FCAR: variants seen among roughly 807,000 people sequenced by gnomAD.
FCAR encodes the protein immunoglobulin alpha Fc receptor.
In FCAR, 21 loss-of-function variants were observed where a neutral mutation model predicts 27.1. The ratio of observed to expected loss-of-function variants is 0.77; its 90% CI spans 0.55 to 1.11. The LOEUF is 1.11. Ranked by LOEUF, FCAR falls within the 50% of genes most tolerant of loss-of-function variation. The probability of loss-of-function intolerance (pLI) is 0.00; values close to 1 mark genes in which losing one functional copy is unlikely to be tolerated. For synonymous variants in FCAR, 134 were observed against 135.8 expected (o/e 0.99, Z 0.09); for missense variants, 404 against 358.4 (o/e 1.13, Z -1.03).
In FCAR at chr19:54,885,538, C is replaced by T; in HGVS notation, c.361+13C>T. ...CTGGTAGTGACAGGTAAGGAAACATCCAGGGTCCACAGCCCTGGTGTGATT... is the reference window on the plus strand; with the variant it reads ...CTGGTAGTGACAGGTAAGGAAACATTCAGGGTCCACAGCCCTGGTGTGATT... On this transcript the variant is annotated intron_variant, in intron 3 of 4. Transcript: ENST00000355524. The T allele has an allele frequency of 6.3e-7, 1 of 1,588,716 alleles. No individual in the cohort carries two copies. The highest frequency in any genetic ancestry group is 2.2e-5 in the East Asian group (1 of 44,634).
chr19:54,887,974 GTCTT>G lies in FCAR; in HGVS notation c.362-29_362-26del, dbSNP rs764804225. On this transcript the variant is annotated intron_variant, in intron 3 of 4. Coordinates refer to ENST00000355524, the MANE Select transcript of FCAR (RefSeq NM_002000.4). The stretch of plus-strand genomic sequence containing the variant: ...AGAAGAAAAGAATAAAGGAGAAAAG[GTCTT>G]TCTAATAGCTCACTCTTTTCTCTCT... 7.9e-6 allele frequency: 12 copies of G among 1,526,474 alleles called. No individual in the cohort carries two copies. The Admixed American group carries it at 1.5e-4, about 19-fold the overall frequency. 94.6% of individuals were successfully genotyped at this position (1,526,474 alleles called of 1,614,324 possible).
chr19:54,883,202 A>G (rs2066520236), intron 2 of FCAR, among the ~76,000 whole-genome samples: 1 of 147,748 alleles, frequency 6.8e-6, no homozygotes, highest in African/African-American at 2.5e-5. Context: ...TTTTTTGTAG[A>G]GATGGGGTTT....
rs2066639224 is a variant in FCAR at position 54,885,251 on chromosome 19, T to C, written c.87T>C (p.Pro29=). The C allele has an allele frequency of 1.2e-6, 2 of 1,613,314 alleles. No individual in the cohort carries two copies. Among genetic ancestry groups the C allele is most frequent in the South Asian group, 2.2e-5 (2 of 91,064 alleles). Residue 29 remains proline (P), a synonymous_variant, in exon 3 of 5, where the codon CCT becomes CCC. Coordinates refer to ENST00000355524, the MANE Select transcript of FCAR (RefSeq NM_002000.4). ...TTCTTCCAGGGGACTTTCCCATGCC[T>C]TTCATATCTGCCAAATCGAGTCCTG... is the stretch of plus-strand genomic sequence containing the variant. ...IQAQEGDFPM[P]FISAKSSPVI...
At chr19:54,881,455 C>G (rs1238022804) in intron 2 of FCAR, among the ~76,000 whole-genome samples, 1 of 152,054 alleles carries the variant, frequency 6.6e-6, no homozygotes, top group Non-Finnish European at 1.5e-5. Context: ...GGGAACGCTC[C>G]GCCAGAGGGT....
chr19:54,881,456 G>A (rs587738110), intron 2 of FCAR, among the ~76,000 whole-genome samples: 3 of 152,122 alleles, frequency 2.0e-5, no homozygotes, highest in Non-Finnish European at 4.4e-5. Flanking sequence ...GGAACGCTCC[G>A]CCAGAGGGTG....
intron 2 of FCAR, among the ~76,000 whole-genome samples, chr19:54,881,913 AAATAAATAAATAAATAAATT>A (rs1183952461): frequency 0.027 from 675 of 24,578 alleles, 6 homozygotes; most frequent in Non-Finnish European, 0.036. Flanking sequence ...ATAAATAAAT[AAATAAATAAATAAATAAATT>A]GAAGCATGAA....
At chr19:54,878,969 C>T (rs1477289779) in intron 2 of FCAR, among the ~76,000 whole-genome samples, 1 of 150,082 alleles carries the variant, frequency 6.7e-6, no homozygotes, top group Non-Finnish European at 1.5e-5. Context: ...ACTTCTGCCT[C>T]CCAGGTTCAA....
intron 2 of FCAR, among the ~76,000 whole-genome samples, chr19:54,876,955 C>T (rs1271452864): frequency 6.6e-6 from 1 of 152,084 alleles, no homozygotes; most frequent in Non-Finnish European, 1.5e-5. Flanking sequence ...TAAAGCCTAC[C>T]TGATGGTGGT....
intron 2 of FCAR, 53 bp downstream of exon 2, chr19:54,875,418 A>G: frequency 6.7e-7 from 1 of 1,485,610 alleles, no homozygotes; most frequent in Non-Finnish European, 9.3e-7. Flanking sequence ...TGGGAGCTCT[A>G]GGATAAAGAA....
intron 2 of FCAR, among the ~76,000 whole-genome samples, chr19:54,877,460 A>C (rs2066159802): frequency 6.6e-6 from 1 of 151,926 alleles, no homozygotes; most frequent in South Asian, 2.1e-4. Context: ...GTTGTTTCTA[A>C]TTGTGTTTAT....
intron 2 of FCAR, among the ~76,000 whole-genome samples, chr19:54,878,471 C>G (rs1455178156): frequency 6.6e-6 from 1 of 152,282 alleles, no homozygotes; most frequent in African/African-American, 2.4e-5. Flanking sequence ...TCTCTCAGAA[C>G]ACGCTTTATG....
intron 4 of FCAR, chr19:54,888,586 C>G: frequency 9.1e-7 from 1 of 1,104,162 alleles, no homozygotes; most frequent in Non-Finnish European, 1.1e-6. Context: ...CTTGCTCTTT[C>G]GCCAAGGCTG....
At chr19:54,886,603 G>C (rs1389899202) in intron 3 of FCAR, among the ~76,000 whole-genome samples, 1 of 152,004 alleles carries the variant, frequency 6.6e-6, no homozygotes, top group African/African-American at 2.4e-5. Context: ...ACCACGCCCG[G>C]CCCCCGAAAA....
intron 2 of FCAR, among the ~76,000 whole-genome samples, chr19:54,876,278 G>A (rs1191369536): frequency 6.6e-6 from 1 of 152,192 alleles, no homozygotes; most frequent in African/African-American, 2.4e-5. Flanking sequence ...CCTGCAAACA[G>A]GGATAGTTTG....
At chr19:54,881,728 C>G (rs1398063349) in intron 2 of FCAR, among the ~76,000 whole-genome samples, 1 of 151,954 alleles carries the variant, frequency 6.6e-6, no homozygotes, top group Non-Finnish European at 1.5e-5. Context: ...AAAAATGAGC[C>G]GGGCGTGGTG....
At position 54,890,402 on chromosome 19, in the gene FCAR, T is replaced by C. The variant is rs1216456607; in HGVS notation, c.*539T>C. 6.6e-6 allele frequency: 1 copy of C among 151,954 alleles called. No homozygotes were observed. The highest frequency in any genetic ancestry group is 2.4e-5 in the African/African-American group (1 of 41,424). The allele number at this position is 151,954 out of a possible 1,614,324, so 9.4% of individuals were successfully genotyped here. A position where few individuals can be genotyped will look rare whatever the true frequency, so the allele number is the denominator to read the frequency against. ...TTAATTTCTTCCTTCATTGTTCTTC[T>C]CTTTTTTTATTTATTTTATTTATTT... On this transcript the variant is annotated 3_prime_UTR_variant, in exon 5 of 5. Transcript: ENST00000355524.
intron 2 of FCAR, among the ~76,000 whole-genome samples, chr19:54,878,306 G>T (rs915516872): frequency 6.6e-6 from 1 of 152,154 alleles, no homozygotes; most frequent in Non-Finnish European, 1.5e-5. Context: ...TGTTGTTTTG[G>T]GGGTGGAGAG....
At chr19:54,888,846 T>C in intron 4 of FCAR, 1 of 988,450 alleles carries the variant, frequency 1.0e-6, no homozygotes, top group Non-Finnish European at 1.2e-6. Flanking sequence ...CTTGTTCTGG[T>C]GTTGTAGAGA....
chr19:54,888,492 T>C (rs977235025), intron 4 of FCAR, 198 bp downstream of exon 4: 50 of 1,417,722 alleles, frequency 3.5e-5, no homozygotes, highest in Non-Finnish European at 4.5e-5. Context: ...ACAGGGTTCA[T>C]TGAAAACTTA....
Sources: gnomAD v4.1 joint callset for allele counts (sites outside exome capture counted in the v4.1 genomes callset) on GRCh38, gnomAD v4.1.1 for gene constraint, MANE v1.5 for transcripts, NCBI Gene and HGNC (gene_info 2026-07-23, HGNC 2026-07-21) for gene names.